The following TRPM2 variants were observed in gnomAD, a reference collection of about 807,000 sequenced individuals.
The protein encoded by TRPM2 is transient receptor potential cation channel subfamily M member 2, also known as estrogen-responsive element-associated gene 1 protein.
A neutral mutation model predicts 174.0 loss-of-function variants in TRPM2; 161 were observed. The observed-to-expected ratio is 0.93, with a 90% confidence interval of 0.81 to 1.05. The LOEUF (loss-of-function observed/expected upper bound fraction) is 1.05, where lower values mean the gene tolerates loss of function less well. TRPM2 is among the 50% of genes least tolerant of loss of function. The probability of loss-of-function intolerance (pLI) is 0.00; values close to 1 mark genes in which losing one functional copy is unlikely to be tolerated. For synonymous variants in TRPM2, 954 were observed against 861.3 expected, an observed-to-expected ratio of 1.11 and a Z score of -1.88; for missense variants, 2,057 against 2,038.0, an observed-to-expected ratio of 1.01 and a Z score of -0.18.
rs754758683 is a variant in TRPM2, at chr21:44,406,639, G to T, written c.2836G>T (p.Val946Leu). Residue 946 changes from valine to leucine, a missense_variant, in exon 19 of 32, where the codon GTG becomes TTG. By Grantham distance (32) the Val-to-Leu change is conservative. Transcript: ENST00000397928. ...CCTCTTCCTGCTGGCTGTGTGGGTG[G>T]TGTCCTTCGGGGTGGCCAAGCAGGC... is the stretch of plus-strand genomic sequence containing the variant. The part of the protein sequence containing the change: ...FFLFLLAVWV[V>L]SFGVAKQAIL... The T allele has an allele frequency of 3.1e-6, 5 of 1,610,894 alleles. No homozygotes were observed. In the South Asian group the frequency reaches 5.5e-5, roughly 18 times the overall value.
In TRPM2 at chr21:44,396,932, TTGTGGAGGGC is replaced by T. The variant is rs1569060767; in HGVS notation, c.1933-806_1933-797del. ...GAGGGGTGTGGAGGGGTGTGGGGGG[TTGTGGAGGGC>T]TGTGGAGGCTGTGGAGGGTTGTGGG... On this transcript the variant is annotated intron_variant, in intron 12 of 31. Coordinates refer to ENST00000397928, the MANE Select transcript of TRPM2 (RefSeq NM_003307.4). Among the ~76,000 whole-genome samples the T allele has an allele frequency of 6.7e-5, 4 of 59,650 alleles. No individual in the cohort carries two copies. In the South Asian group the frequency reaches 1.8e-3, roughly 26 times the overall value. The allele number at this position is 59,650 out of a possible 152,430, so 39.1% of individuals were successfully genotyped here.
In TRPM2 at chr21:44,399,772, G is replaced by A. The variant is rs905943647; in HGVS notation, c.2208+331G>A. 2.0e-5 allele frequency among the ~76,000 whole-genome samples: 3 copies of A among 152,150 alleles called. No homozygotes were observed. The highest frequency in any genetic ancestry group is 2.9e-5 in the Non-Finnish European group (2 of 68,016). On this transcript the variant is annotated intron_variant, in intron 14 of 31. Transcript: ENST00000397928. This position sits in a 1 kb window ranked among gnomAD's most constrained non-coding sequence, Gnocchi z 4.6. ...GCCCTCTCTCCCTGGAGGGATAAGCGGGACACGGCGTGTCCTCCCTGGAGC... is the reference window on the plus strand; with the variant it reads ...GCCCTCTCTCCCTGGAGGGATAAGCAGGACACGGCGTGTCCTCCCTGGAGC...
At chr21:44,431,564 G>A (rs2051022781) in intron 27 of TRPM2, among the ~76,000 whole-genome samples, 1 of 151,996 alleles carries the variant, frequency 6.6e-6, no homozygotes, top group South Asian at 2.1e-4. Context: ...CCGCCTACTG[G>A]GTCCCAGTTC....
intron 8 of TRPM2, among the ~76,000 whole-genome samples, chr21:44,379,863 C>T (rs956532264): frequency 1.3e-5 from 2 of 152,230 alleles, no homozygotes; most frequent in Non-Finnish European, 2.9e-5. Context: ...GGGGCTGGCA[C>T]TGGGGCCTTT....
rs981811060 is a variant in TRPM2 at position 44,432,681 on chromosome 21, G to T, written c.3975-2450G>T. ...CTGCCCGCAAGTCCCTTCCTCTTTC[G>T]AATCCACTCCACTTGGGCTTTGCTT... On this transcript the variant is annotated intron_variant, in intron 27 of 31. Transcript: ENST00000397928. The surrounding 1 kb of genome is among the most constrained non-coding windows in gnomAD (Gnocchi z 4.9). Among the ~76,000 whole-genome samples the T allele has an allele frequency of 1.3e-5, 2 of 152,022 alleles. No individual in the cohort carries two copies. The highest frequency in any genetic ancestry group is 2.9e-5 in the Non-Finnish European group (2 of 68,002).
intron 23 of TRPM2, among the ~76,000 whole-genome samples, chr21:44,424,175 G>T (rs1309120870): frequency 6.6e-6 from 1 of 152,206 alleles, no homozygotes; most frequent in Admixed American, 6.5e-5. Flanking sequence ...AGCACCTGCG[G>T]CCACGGCAGC....
chr21:44,428,066 G>A (rs2050871350), intron 27 of TRPM2, among the ~76,000 whole-genome samples: 1 of 152,130 alleles, frequency 6.6e-6, no homozygotes, highest in Non-Finnish European at 1.5e-5. Context: ...GGCAGGACGT[G>A]GTGTCCATGC....
chr21:44,358,955 G>A (rs1465756418), intron 2 of TRPM2, among the ~76,000 whole-genome samples: 2 of 151,998 alleles, frequency 1.3e-5, no homozygotes, highest in African/African-American at 2.4e-5. Context: ...CGTGAAAGGG[G>A]ACCCGAGCAG....
At chr21:44,435,534 C>T (rs1200662516) in intron 28 of TRPM2, among the ~76,000 whole-genome samples, 1 of 151,386 alleles carries the variant, frequency 6.6e-6, no homozygotes, top group African/African-American at 2.4e-5. Context: ...ACACTCACCC[C>T]TAAGTCTCAC....
In TRPM2 at chr21:44,366,233, G is replaced by A. The variant is rs1005812089; in HGVS notation, c.424-521G>A. Among the ~76,000 whole-genome samples the A allele has an allele frequency of 1.3e-5, 2 of 151,416 alleles. No individual in the cohort carries two copies. The highest frequency in any genetic ancestry group is 4.9e-5 in the African/African-American group (2 of 41,036). ...CCCCAGGACGGGCCAGGGCACAGGG[G>A]CCACAGAGCAGAGGGGATAGGGCAG... On this transcript the variant is annotated intron_variant, in intron 3 of 31. Coordinates refer to ENST00000397928, the MANE Select transcript of TRPM2 (RefSeq NM_003307.4). This position sits in a 1 kb window ranked among gnomAD's most constrained non-coding sequence, Gnocchi z 6.0.
chr21:44,393,290 T>C (rs1423661238), intron 11 of TRPM2, among the ~76,000 whole-genome samples: 5 of 152,062 alleles, frequency 3.3e-5, no homozygotes, highest in Middle Eastern at 3.4e-3. Context: ...AAAGCATCGA[T>C]GCCTTTGAGA....
In TRPM2 at chr21:44,391,747, AGGCTGCTTG is replaced by A; in HGVS notation, c.1794+130_1794+138del. ...TTAGAAAAGACACATGCTCTATCTT[AGGCTGCTTG>A]GGCTGCTGTAACAAAATTCCACAGA... On this transcript the variant is annotated intron_variant, in intron 11 of 31. Transcript: ENST00000397928. This position sits in a 1 kb window ranked among gnomAD's most constrained non-coding sequence, Gnocchi z 5.0. 1.0e-6 allele frequency: 1 copy of A among 971,202 alleles called. No individual in the cohort carries two copies. Among genetic ancestry groups the A allele is most frequent in the Non-Finnish European group, 1.5e-6 (1 of 682,628 alleles). The allele number at this position is 971,202 out of a possible 1,614,324, so 60.2% of individuals were successfully genotyped here.
intron 18 of TRPM2, among the ~76,000 whole-genome samples, chr21:44,406,379 T>G (rs1375577133): frequency 6.6e-6 from 1 of 152,148 alleles, no homozygotes; most frequent in Admixed American, 6.6e-5. Context: ...GTCACGGTTA[T>G]GTCTGACCCC....
Position 44,399,393 on chromosome 21 carries a change from C to T in TRPM2, c.2160C>T (p.Leu720=), listed in dbSNP as rs146691229. ...GGGGGAAGACCACCTGCCTGCAGCTCGCCCTGGAGGCCAAGGACATGAAGT... is the reference window on the plus strand; with the variant it reads ...GGGGGAAGACCACCTGCCTGCAGCTTGCCCTGGAGGCCAAGGACATGAAGT... ...EAWGKTTCLQ[L]ALEAKDMKFV... The change falls in exon 14 of 32, where the codon CTC becomes CTT. Residue 720 remains leucine (L), a synonymous_variant. Coordinates refer to ENST00000397928, the MANE Select transcript of TRPM2 (RefSeq NM_003307.4). This position sits in a 1 kb window ranked among gnomAD's most constrained non-coding sequence, Gnocchi z 4.6. 3.7e-5 allele frequency: 60 copies of T among 1,612,634 alleles called. No individual in the cohort carries two copies. Among genetic ancestry groups the T allele is most frequent in the African/African-American group, 6.7e-5 (5 of 74,922 alleles).
intron 2 of TRPM2, 45 bp from the exon 3 acceptor site, chr21:44,364,069 G>A (rs950095036): frequency 1.9e-6 from 3 of 1,589,402 alleles, no homozygotes; most frequent in Non-Finnish European, 2.6e-6. Flanking sequence ...CAGGGAGCAG[G>A]AAGGGCACCA....
intron 16 of TRPM2, 22 bp from the exon 17 acceptor site, chr21:44,405,120 C>T: frequency 6.2e-7 from 1 of 1,612,014 alleles, no homozygotes; most frequent in Non-Finnish European, 8.5e-7. Context: ...GTCTGCCTTC[C>T]TACCGCCCCT....
In TRPM2 at chr21:44,399,437, T is replaced by A; in HGVS notation, c.2204T>A (p.Ile735Asn). 1 of 1,610,966 alleles carries A rather than the reference T, an allele frequency of 6.2e-7. No homozygotes were observed. Among genetic ancestry groups the A allele is most frequent in the Non-Finnish European group, 8.5e-7 (1 of 1,178,852 alleles). ...KDMKFVSHGG[I>N]QAFLTKVWWG... is the part of the protein sequence containing the mutation. ...ATGAAGTTTGTGTCTCACGGGGGCATCCAGGTGACCTCCCAAGAGCCCCTT... is the reference window on the plus strand; with the variant it reads ...ATGAAGTTTGTGTCTCACGGGGGCAACCAGGTGACCTCCCAAGAGCCCCTT... The change falls in exon 14 of 32, where the codon ATC (isoleucine) becomes AAC (asparagine). Residue 735 changes from isoleucine (I) to asparagine (N), a missense_variant. Coordinates refer to ENST00000397928, the MANE Select transcript of TRPM2 (RefSeq NM_003307.4). This position sits in a 1 kb window ranked among gnomAD's most constrained non-coding sequence, Gnocchi z 4.6.
At chr21:44,417,540 G>A (rs1482958776) in intron 20 of TRPM2, among the ~76,000 whole-genome samples, 1 of 112,978 alleles carries the variant, frequency 8.9e-6, no homozygotes, top group African/African-American at 3.7e-5. Context: ...TAGTGGGCAC[G>A]TGGGCATGGC....
At chr21:44,423,451 C>G (rs2050623821) in intron 22 of TRPM2, 194 bp from the exon 23 acceptor site, 1 of 576,556 alleles carries the variant, frequency 1.7e-6, no homozygotes, top group Non-Finnish European at 3.1e-6. Context: ...GCTGAGACAT[C>G]TTCCCCTCTG....
Sources: allele counts gnomAD v4.1 joint callset (sites outside exome capture counted in the v4.1 genomes callset), GRCh38; gene constraint gnomAD v4.1.1; non-coding constraint Gnocchi (gnomAD v3.1); transcripts MANE v1.5; gene names NCBI Gene and HGNC (gene_info 2026-07-23, HGNC 2026-07-21).